The following NREP variants were observed in gnomAD, a reference collection of about 807,000 sequenced individuals.
The protein encoded by NREP is neuronal regeneration-related protein.
A neutral mutation model predicts 8.6 loss-of-function variants in NREP; 5 were observed. That is an observed-to-expected ratio of 0.58 (90% CI 0.30 to 1.22). NREP has a LOEUF of 1.22. NREP is among the 50% of genes most tolerant of loss of function. The pLI is 0.07. For missense variants in NREP, 86 were observed against 82.5 expected, an observed-to-expected ratio of 1.04 and a Z score of -0.17; for synonymous variants, 27 against 28.0, an observed-to-expected ratio of 0.96 and a Z score of 0.11.
chr5:111,757,790 C>G, upstream of NREP: 1 of 974,740 alleles, frequency 1.0e-6, no homozygotes, highest in Middle Eastern at 5.3e-4. Context: ...GCCAGCCTCT[C>G]CGCCTCGACG....
chr5:111,790,455 G>A (rs1302151449), intron 2 of NREP, among the ~76,000 whole-genome samples: 1 of 124,784 alleles, frequency 8.0e-6, no homozygotes, highest in Admixed American at 1.1e-4. Context: ...GTATACATAG[G>A]TATTTGTTCA....
At chr5:111,910,144 CA>C (rs1395898474) in intron 2 of NREP, among the ~76,000 whole-genome samples, 1 of 152,088 alleles carries the variant, frequency 6.6e-6, no homozygotes, top group African/African-American at 2.4e-5. Flanking sequence ...TTATCCTCAG[CA>C]AGCCACATTT....
intron 2 of NREP, among the ~76,000 whole-genome samples, chr5:111,962,054 C>T (rs1756494387): frequency 6.6e-6 from 1 of 152,146 alleles, no homozygotes; most frequent in African/African-American, 2.4e-5. Flanking sequence ...GAGGAGGAGG[C>T]AGGATTCGTG....
At chr5:111,919,353 C>T (rs568951394) in intron 2 of NREP, among the ~76,000 whole-genome samples, 37 of 152,206 alleles carry the variant, frequency 2.4e-4, no homozygotes, top group Admixed American at 1.1e-3. Flanking sequence ...TACCATTTGA[C>T]CCAGTAATCC....
At chr5:111,793,179 C>G (rs1405713849) in intron 2 of NREP, among the ~76,000 whole-genome samples, 1 of 152,154 alleles carries the variant, frequency 6.6e-6, no homozygotes, top group Non-Finnish European at 1.5e-5. Flanking sequence ...GTTTTAGGAA[C>G]TGTGTAAGTC....
intron 2 of NREP, among the ~76,000 whole-genome samples, chr5:111,973,229 T>C (rs1055967501): frequency 2.0e-5 from 3 of 150,224 alleles, no homozygotes; most frequent in Non-Finnish European, 4.4e-5. Context: ...TCTTAATTTA[T>C]AATTTTCCCT....
intron 2 of NREP, among the ~76,000 whole-genome samples, chr5:111,868,801 G>A (rs1224203656): frequency 6.6e-6 from 1 of 151,736 alleles, no homozygotes; most frequent in East Asian, 1.9e-4. Context: ...TCATCTAAAT[G>A]GCAGACAAAT....
chr5:111,970,045 T>C (rs143006713), intron 2 of NREP, among the ~76,000 whole-genome samples: 2,319 of 152,340 alleles, frequency 0.015, 30 homozygotes, highest in Middle Eastern at 0.024. Context: ...CATTTTATGC[T>C]TTGTAAAAAC....
intron 2 of NREP, among the ~76,000 whole-genome samples, chr5:111,923,015 G>A (rs1047974658): frequency 1.3e-5 from 2 of 152,118 alleles, no homozygotes; most frequent in African/African-American, 4.8e-5. Context: ...TACTTCTTCT[G>A]GAAGGAAAAG....
intron 2 of NREP, among the ~76,000 whole-genome samples, chr5:111,872,187 G>A (rs1030742075): frequency 6.6e-6 from 1 of 152,090 alleles, no homozygotes; most frequent in Non-Finnish European, 1.5e-5. Context: ...CCAGAGAGTT[G>A]ATGGTGTCGT....
chr5:111,879,138 C>T (rs1022859306), intron 2 of NREP, among the ~76,000 whole-genome samples: 1 of 152,312 alleles, frequency 6.6e-6, no homozygotes, highest in Admixed American at 6.5e-5. Flanking sequence ...CCTGCTCCCA[C>T]CCCACCTCTT....
At chr5:111,793,668 C>T (rs1410621193) in intron 2 of NREP, among the ~76,000 whole-genome samples, 1 of 152,144 alleles carries the variant, frequency 6.6e-6, no homozygotes, top group East Asian at 1.9e-4. Context: ...GTTAAGTTGA[C>T]ATATAAAATT....
chr5:111,757,077 A>C (rs552396514), intron 1 of NREP, 59 bp downstream of exon 1: 121 of 358,900 alleles, frequency 3.4e-4, no homozygotes, highest in African/African-American at 2.5e-3. Flanking sequence ...AACGGCAAGG[A>C]ATCGACACAA....
chr5:111,924,044 G>C lies in NREP; in HGVS notation c.135+51230C>G, dbSNP rs138718954. On this transcript the variant is annotated intron_variant, in intron 2 of 3. Transcript: ENST00000395634. ...CCTATAATGCCCAAAAATCCTCTTA[G>C]CTGCTTTAGGGTTTTAGGGAGGGTG... Among the ~76,000 whole-genome samples the C allele has an allele frequency of 3.0e-3, 459 of 152,210 alleles. 1 individual carries two copies. The highest frequency in any genetic ancestry group is 0.01 in the African/African-American group (429 of 41,530).
intron 2 of NREP, among the ~76,000 whole-genome samples, chr5:111,782,470 A>G (rs1411538250): frequency 6.6e-6 from 1 of 152,216 alleles, no homozygotes; most frequent in Middle Eastern, 3.2e-3. Context: ...GAACAAATTC[A>G]TAACTTGGAG....
intron 2 of NREP, among the ~76,000 whole-genome samples, chr5:111,878,792 C>A (rs1026900622): frequency 6.6e-6 from 1 of 152,170 alleles, no homozygotes; most frequent in African/African-American, 2.4e-5. Flanking sequence ...TGTAACCAAG[C>A]AAGGGCTCTG....
At chr5:111,786,421 T>C (rs1051840493) in intron 2 of NREP, among the ~76,000 whole-genome samples, 10 of 152,216 alleles carry the variant, frequency 6.6e-5, no homozygotes, top group African/African-American at 2.4e-4. Context: ...TTAGTTAAAA[T>C]ATCCCACAGT....
intron 2 of NREP, among the ~76,000 whole-genome samples, chr5:111,928,124 A>C (rs1450313617): frequency 6.6e-6 from 1 of 152,106 alleles, no homozygotes; most frequent in Non-Finnish European, 1.5e-5. Context: ...CCACCCTGAG[A>C]TCATATGGCA....
chr5:111,763,295 A>T (rs1462107069), intron 2 of NREP, among the ~76,000 whole-genome samples: 2 of 152,218 alleles, frequency 1.3e-5, no homozygotes, highest in Non-Finnish European at 2.9e-5. Context: ...ATAGATGTAA[A>T]CTTAGCAAAT....
Sources: gnomAD v4.1 joint callset for allele counts (sites outside exome capture counted in the v4.1 genomes callset) on GRCh38, gnomAD v4.1.1 for gene constraint, MANE v1.5 for transcripts, NCBI Gene and HGNC (gene_info 2026-07-23, HGNC 2026-07-21) for gene names.